SCYL3: variants seen among roughly 807,000 people sequenced by gnomAD.
SCYL3 encodes the protein SCY1 like pseudokinase 3.
In SCYL3, 35 loss-of-function variants were observed where a neutral mutation model predicts 73.8. That is an observed-to-expected ratio of 0.47 (90% confidence interval 0.36 to 0.63). The LOEUF is 0.63. SCYL3 is among the 20% of genes least tolerant of loss of function. SCYL3 has a pLI of 0.00. For missense variants in SCYL3, 712 were observed against 798.9 expected (o/e 0.89, Z 1.31); for synonymous variants, 277 against 295.2 (o/e 0.94, Z 0.63).
chr1:169,858,088 G>A (rs1659332140), intron 11 of SCYL3, among the ~76,000 whole-genome samples: 1 of 152,034 alleles, frequency 6.6e-6, no homozygotes, highest in South Asian at 2.1e-4. Context: ...GCTACACTAA[G>A]TTTATTAAAA....
chr1:169,874,402 G>A (rs1343640151), intron 4 of SCYL3, among the ~76,000 whole-genome samples: 1 of 152,198 alleles, frequency 6.6e-6, no homozygotes, highest in Non-Finnish European at 1.5e-5. Flanking sequence ...TGCCCTGGAA[G>A]CACTGGGGTG....
chr1:169,873,177 T>C (rs541276650), intron 5 of SCYL3, among the ~76,000 whole-genome samples: 2 of 152,206 alleles, frequency 1.3e-5, no homozygotes, highest in South Asian at 4.1e-4. Context: ...ATTATGGAGG[T>C]AGATCTCTCC....
intron 2 of SCYL3, among the ~76,000 whole-genome samples, chr1:169,885,571 A>G (rs1661624640): frequency 6.6e-6 from 1 of 152,214 alleles, no homozygotes; most frequent in South Asian, 2.1e-4. Context: ...TTTTCTCTGA[A>G]GATGTAAATC....
chr1:169,861,053 T>A (rs1659606956), intron 10 of SCYL3, among the ~76,000 whole-genome samples: 1 of 152,240 alleles, frequency 6.6e-6, no homozygotes, highest in Admixed American at 6.5e-5. Flanking sequence ...AGAGTTAAAG[T>A]GCTTCATTCC....
At chr1:169,892,710 T>G (rs1571473974) in intron 1 of SCYL3, among the ~76,000 whole-genome samples, 1 of 152,222 alleles carries the variant, frequency 6.6e-6, no homozygotes, top group Non-Finnish European at 1.5e-5. Flanking sequence ...CTCCACTCTT[T>G]TGCCTACTTG....
Position 169,873,740 on chromosome 1 carries a change from T to C in SCYL3, c.478A>G (p.Ile160Val). ...SQATPEFLRS[I>V]QSIRDPASIP... Reference sequence around the variant, plus strand: ...GATGCTGGGTCTCTTATTGACTGAATACTCCTCAGAAACTAGACAGAGAAA... The same window carrying C: ...GATGCTGGGTCTCTTATTGACTGAACACTCCTCAGAAACTAGACAGAGAAA... The change falls in exon 5 of 13, where the codon ATT (isoleucine) becomes GTT (valine). Residue 160 changes from isoleucine to valine, a missense_variant. By Grantham distance (29) the Ile-to-Val change is conservative. Coordinates refer to ENST00000367771, the MANE Select transcript of SCYL3 (RefSeq NM_020423.7). 1 of 1,603,614 alleles carries C rather than the reference T, an allele frequency of 6.2e-7. No individual in the cohort carries two copies. Among genetic ancestry groups the C allele is most frequent in the Non-Finnish European group, 8.5e-7 (1 of 1,171,084 alleles).
chr1:169,875,906 G>A (rs1364991816), intron 4 of SCYL3, 72 bp downstream of exon 4: 1 of 871,706 alleles, frequency 1.1e-6, no homozygotes, highest in South Asian at 2.0e-5. Flanking sequence ...GAAGGAAAGT[G>A]CCTAGGCAAG....
chr1:169,873,682 G>A lies in SCYL3; in HGVS notation c.522+14C>T. ...CAAAGGCACCTTCATTATATGTGAAGTATATCATCTTACCATCTCTTCAGG... is the reference window on the plus strand; with the variant it reads ...CAAAGGCACCTTCATTATATGTGAAATATATCATCTTACCATCTCTTCAGG... On this transcript the variant is annotated intron_variant, in intron 5 of 12. Transcript: ENST00000367771. 1 of 1,570,186 alleles carries A rather than the reference G, an allele frequency of 6.4e-7. No individual in the cohort carries two copies. The highest frequency in any genetic ancestry group is 8.7e-7 in the Non-Finnish European group (1 of 1,145,658).
chr1:169,864,529 C>G (rs1194151764), intron 8 of SCYL3, 21 bp from the exon 9 acceptor site: 6 of 1,570,160 alleles, frequency 3.8e-6, no homozygotes, highest in Non-Finnish European at 5.2e-6. Context: ...AAAGGGAAAG[C>G]CCAGGAAACT....
intron 11 of SCYL3, among the ~76,000 whole-genome samples, chr1:169,856,936 T>C (rs1207184882): frequency 1.3e-5 from 2 of 152,214 alleles, no homozygotes; most frequent in Non-Finnish European, 2.9e-5. Flanking sequence ...TCTTTTCTGC[T>C]AAATGTCTCC....
chr1:169,871,652 G>GT (rs1470301311), intron 5 of SCYL3, among the ~76,000 whole-genome samples: 1 of 152,212 alleles, frequency 6.6e-6, no homozygotes, highest in Non-Finnish European at 1.5e-5. Flanking sequence ...ATGTGGGAAA[G>GT]TTTGGAATTT....
chr1:169,882,304 G>A (rs980267561), intron 2 of SCYL3, among the ~76,000 whole-genome samples: 1 of 152,318 alleles, frequency 6.6e-6, no homozygotes, highest in African/African-American at 2.4e-5. Context: ...CCAGCCCACC[G>A]GTGCTGCACT....
At position 169,862,660 on chromosome 1, in the gene SCYL3, C is replaced by T. The variant is rs752839423; in HGVS notation, c.1093G>A (p.Val365Met). ...MVLLSHIEAYVEHFTQEQLKK... is the reference protein window; with the variant it reads ...MVLLSHIEAYMEHFTQEQLKK... Reference sequence around the variant, plus strand: ...AGCTGCTCCTGAGTGAAGTGCTCCACGTAGGCCTCGATGTGAGACAGCAGC... The same window carrying T: ...AGCTGCTCCTGAGTGAAGTGCTCCATGTAGGCCTCGATGTGAGACAGCAGC... The change falls in exon 10 of 13, where the codon GTG becomes ATG. Residue 365 changes from valine to methionine, a missense_variant. Physicochemically the swap from Val to Met is conservative, Grantham distance 21. This residue lies in a region of SCYL3 where 342 missense variants were observed against 448.1 expected (regional missense o/e 0.76). Transcript: ENST00000367771. The T allele has an allele frequency of 2.5e-6, 4 of 1,614,162 alleles. No homozygotes were observed. The highest frequency in any genetic ancestry group is 1.1e-5 in the South Asian group (1 of 91,088).
Position 169,878,870 on chromosome 1 carries a change from A to T in SCYL3, c.166-51T>A, listed in dbSNP as rs1661048140. Reference sequence around the variant, plus strand: ...GAAGTTAATGACCCCAAACCAGATTATAGTTTCATATACATTATGGGGGAA... The same window carrying T: ...GAAGTTAATGACCCCAAACCAGATTTTAGTTTCATATACATTATGGGGGAA... On this transcript the variant is annotated intron_variant, in intron 2 of 12. Coordinates refer to ENST00000367771, the MANE Select transcript of SCYL3 (RefSeq NM_020423.7). 2.0e-6 allele frequency: 3 copies of T among 1,473,584 alleles called. No homozygotes were observed. The Admixed American group carries it at 6.2e-5, about 30-fold the overall frequency. 91.3% of individuals were successfully genotyped at this position (1,473,584 alleles called of 1,614,324 possible). A position where few individuals can be genotyped will look rare whatever the true frequency, so the allele number is the denominator to read the frequency against.
chr1:169,868,886 T>C, intron 7 of SCYL3, 42 bp downstream of exon 7: 2 of 1,424,608 alleles, frequency 1.4e-6, no homozygotes, highest in Non-Finnish European at 2.0e-6. Flanking sequence ...CAGGCAGCAG[T>C]GTTCCGGAAG....
chr1:169,864,516 CA>C lies in SCYL3; in HGVS notation c.816-9del. Reference sequence around the variant, plus strand: ...ACTCTGTCCAGCAGAAATCTGAGGACAAAAAGGGAAAGCCCAGGAAACTGGT... The same window carrying C: ...ACTCTGTCCAGCAGAAATCTGAGGACAAAAGGGAAAGCCCAGGAAACTGGT... On this transcript the variant is annotated splice_polypyrimidine_tract_variant and intron_variant, in intron 8 of 12. Transcript: ENST00000367771. 6.3e-7 allele frequency: 1 copy of C among 1,578,244 alleles called. No individual in the cohort carries two copies. The highest frequency in any genetic ancestry group is 8.6e-7 in the Non-Finnish European group (1 of 1,167,402).
chr1:169,885,423 C>T (rs1231672776), intron 2 of SCYL3, among the ~76,000 whole-genome samples: 2 of 152,316 alleles, frequency 1.3e-5, no homozygotes, highest in South Asian at 4.1e-4. Flanking sequence ...ACTGACTCAG[C>T]ATTACAGCCC....
At chr1:169,855,374 A>C (rs10489171) in intron 11 of SCYL3, among the ~76,000 whole-genome samples, 1 of 152,164 alleles carries the variant, frequency 6.6e-6, no homozygotes, top group South Asian at 2.1e-4. Flanking sequence ...TCACTTTAAG[A>C]AATTTCCCTA....
rs553321533 is a variant in SCYL3 at position 169,885,040 on chromosome 1, T to C, written c.165+3636A>G. ...AATGAACATCAGTTGAGCAAATAAATGGCTCTTGCCCTAGTAGAGAAAGAT... is the reference window on the plus strand; with the variant it reads ...AATGAACATCAGTTGAGCAAATAAACGGCTCTTGCCCTAGTAGAGAAAGAT... On this transcript the variant is annotated intron_variant, in intron 2 of 12. Coordinates refer to ENST00000367771, the MANE Select transcript of SCYL3 (RefSeq NM_020423.7). 1.6e-4 allele frequency among the ~76,000 whole-genome samples: 25 copies of C among 152,346 alleles called. No individual in the cohort carries two copies. The South Asian group carries it at 4.8e-3, about 29-fold the overall frequency.
Sources: gnomAD v4.1 joint callset for allele counts (sites outside exome capture counted in the v4.1 genomes callset) on GRCh38, gnomAD v4.1.1 for gene constraint, gnomAD v4.1.1 regional missense constraint, MANE v1.5 for transcripts, NCBI Gene and HGNC (gene_info 2026-07-23, HGNC 2026-07-21) for gene names.